The following FOXP1 variants were observed in gnomAD, a reference collection of about 807,000 sequenced individuals.
FOXP1 encodes forkhead box P1.
Under a neutral mutation model 98.2 loss-of-function variants are expected in FOXP1, and 15 were observed. That is an observed-to-expected ratio of 0.15 (90% CI 0.10 to 0.24). The LOEUF (loss-of-function observed/expected upper bound fraction) is 0.24, where lower values mean the gene tolerates loss of function less well. FOXP1 is among the 10% of genes least tolerant of loss of function. The pLI, the probability that FOXP1 is intolerant of heterozygous loss-of-function variation, is 1.00. For missense variants in FOXP1, 633 were observed against 848.5 expected (o/e 0.75, Z 3.15); for synonymous variants, 371 against 314.5 (o/e 1.18, Z -1.90).
chr3:71,528,653 A>G (rs947961410), intron 2 of FOXP1, among the ~76,000 whole-genome samples: 1 of 152,216 alleles, frequency 6.6e-6, no homozygotes, highest in African/African-American at 2.4e-5. Context: ...CTGAAGAAAC[A>G]CTTGACTTGG....
chr3:71,434,269 T>C lies in FOXP1; in HGVS notation c.-168+59157A>G, dbSNP rs1455100113. ...AATAATGACGTTAGGCACTGGATCCTAGAGCCCCCCCGAAGACTTGTTCCC... is the reference window on the plus strand; with the variant it reads ...AATAATGACGTTAGGCACTGGATCCCAGAGCCCCCCCGAAGACTTGTTCCC... On this transcript the variant is annotated intron_variant, in intron 3 of 20. Coordinates refer to ENST00000649528, the MANE Select transcript of FOXP1 (RefSeq NM_001349338.3). Among the ~76,000 whole-genome samples, 5 of 151,884 alleles carry C rather than the reference T, an allele frequency of 3.3e-5. No homozygotes were observed. The East Asian group carries it at 5.8e-4, about 18-fold the overall frequency.
At chr3:71,291,708 CT>C (rs1424266847) in intron 5 of FOXP1, among the ~76,000 whole-genome samples, 1 of 134,526 alleles carries the variant, frequency 7.4e-6, no homozygotes, top group Non-Finnish European at 1.6e-5. Flanking sequence ...TATGCTTATT[CT>C]GTATTTTTTT....
chr3:70,963,726 G>T (rs985632035), intron 20 of FOXP1, among the ~76,000 whole-genome samples: 2 of 152,194 alleles, frequency 1.3e-5, no homozygotes, highest in African/African-American at 2.4e-5. Flanking sequence ...TGTCTGCACA[G>T]CATGGAGTAT....
intron 7 of FOXP1, among the ~76,000 whole-genome samples, chr3:71,084,925 C>T (rs1205541330): frequency 6.6e-6 from 1 of 152,022 alleles, no homozygotes; most frequent in African/African-American, 2.4e-5. Context: ...TCCCAGTTAC[C>T]AGGGAGGATG....
chr3:71,263,643 C>T (rs1159356909), intron 5 of FOXP1, among the ~76,000 whole-genome samples: 2 of 152,198 alleles, frequency 1.3e-5, no homozygotes, highest in Admixed American at 6.5e-5. Flanking sequence ...CATACTTAAG[C>T]TACTCCTTTG....
chr3:71,046,229 T>C (rs903130968), intron 10 of FOXP1, among the ~76,000 whole-genome samples: 1 of 152,194 alleles, frequency 6.6e-6, no homozygotes, highest in African/African-American at 2.4e-5. Flanking sequence ...AGAGTTCCCA[T>C]TTGTTTCTGA....
At chr3:71,363,031 T>C (rs371816608) in intron 3 of FOXP1, among the ~76,000 whole-genome samples, 13 of 152,176 alleles carry the variant, frequency 8.5e-5, no homozygotes, top group African/African-American at 2.2e-4. Context: ...GTACTTTAAA[T>C]TAAATTTCTA....
intron 13 of FOXP1, among the ~76,000 whole-genome samples, chr3:70,997,884 A>AATGG (rs1446414789): frequency 2.6e-5 from 4 of 152,200 alleles, no homozygotes; most frequent in Non-Finnish European, 4.4e-5. Context: ...TGGGTGGATG[A>AATGG]ATGGATGGAT....
intron 6 of FOXP1, among the ~76,000 whole-genome samples, chr3:71,124,610 G>A (rs2059022627): frequency 6.7e-6 from 1 of 148,580 alleles, no homozygotes; most frequent in Non-Finnish European, 1.5e-5. Flanking sequence ...TATGTTTGTG[G>A]TTACTTTAAC....
chr3:71,480,969 A>G (rs6796042), intron 3 of FOXP1, among the ~76,000 whole-genome samples: 54,940 of 152,038 alleles, frequency 0.36, 10,396 homozygotes, highest in Non-Finnish European at 0.39. Context: ...GGTATAAGGA[A>G]GGGCAGGCAA....
At chr3:71,430,840 G>A (rs2084642986) in intron 3 of FOXP1, among the ~76,000 whole-genome samples, 1 of 152,118 alleles carries the variant, frequency 6.6e-6, no homozygotes, top group African/African-American at 2.4e-5. Flanking sequence ...GCGGGGGGCA[G>A]GCCCATGTTT....
Position 70,958,402 on chromosome 3 carries a change from T to C in FOXP1, c.*845A>G, listed in dbSNP as rs1441199300. The C allele has an allele frequency of 2.0e-6, 1 of 491,560 alleles. No individual in the cohort carries two copies. Among genetic ancestry groups the C allele is most frequent in the Non-Finnish European group, 3.9e-6 (1 of 255,374 alleles). The allele number at this position is 491,560 out of a possible 1,614,324, so 30.4% of individuals were successfully genotyped here. A position where few individuals can be genotyped will look rare whatever the true frequency, so the allele number is the denominator to read the frequency against. ...GTGTAGAGTGCAGCATTTGGGACCT[T>C]TTTGAAAAAGACCAAAACGGAATGT... On this transcript the variant is annotated 3_prime_UTR_variant, in exon 21 of 21. Transcript: ENST00000649528.
At chr3:71,115,964 T>C (rs545510380) in intron 6 of FOXP1, among the ~76,000 whole-genome samples, 72 of 152,214 alleles carry the variant, frequency 4.7e-4, no homozygotes, top group Admixed American at 1.5e-3. Context: ...CTTGAACTCC[T>C]GACCTCAGTG....
chr3:71,397,353 G>A (rs1043182245), intron 3 of FOXP1, among the ~76,000 whole-genome samples: 2 of 151,968 alleles, frequency 1.3e-5, no homozygotes, highest in South Asian at 4.2e-4. Context: ...CAGATTATGT[G>A]GATGAGCATT....
At chr3:71,501,520 C>G (rs1014976203) in intron 2 of FOXP1, among the ~76,000 whole-genome samples, 1 of 152,076 alleles carries the variant, frequency 6.6e-6, no homozygotes, top group Admixed American at 6.6e-5. Flanking sequence ...GTCTCAATCT[C>G]CTGACCTCAT....
At chr3:71,315,750 A>C (rs971116662) in intron 4 of FOXP1, among the ~76,000 whole-genome samples, 1 of 152,134 alleles carries the variant, frequency 6.6e-6, no homozygotes, top group African/African-American at 2.4e-5. Context: ...CAGTCATGTT[A>C]AGAGGAGATT....
At chr3:71,038,756 T>G (rs1369929587) in intron 11 of FOXP1, among the ~76,000 whole-genome samples, 2 of 151,792 alleles carry the variant, frequency 1.3e-5, no homozygotes, top group Non-Finnish European at 2.9e-5. Flanking sequence ...CTCAAACTCT[T>G]GGGCTCAAAT....
intron 6 of FOXP1, among the ~76,000 whole-genome samples, chr3:71,119,571 CTCATCCT>C (rs2058611983): frequency 6.6e-6 from 1 of 152,156 alleles, no homozygotes; most frequent in Admixed American, 6.5e-5. Context: ...TCCTCTGTTT[CTCATCCT>C]CTACATACTC....
intron 6 of FOXP1, chr3:71,130,757 A>C: frequency 6.9e-7 from 1 of 1,448,360 alleles, no homozygotes; most frequent in Non-Finnish European, 9.0e-7. Context: ...TGACAAAGAA[A>C]CCACAAGAAT....
Sources: allele counts gnomAD v4.1 joint callset (sites outside exome capture counted in the v4.1 genomes callset), GRCh38; gene constraint gnomAD v4.1.1; transcripts MANE v1.5; gene names NCBI Gene and HGNC (gene_info 2026-07-23, HGNC 2026-07-21).